The following TNFSF4 variants were observed in gnomAD, a reference collection of about 807,000 sequenced individuals.
TNFSF4 encodes tumor necrosis factor ligand superfamily member 4.
Under a neutral mutation model 7.3 loss-of-function variants are expected in TNFSF4, and 4 were observed. The observed-to-expected ratio is 0.55, with a 90% CI of 0.27 to 1.25. The LOEUF is 1.25. TNFSF4 is among the 50% of genes most tolerant of loss of function. The pLI, the probability that TNFSF4 is intolerant of heterozygous loss-of-function variation, is 0.12. For missense variants in TNFSF4, 181 were observed against 208.8 expected (o/e 0.87, Z 0.82); for synonymous variants, 76 against 83.7 (o/e 0.91, Z 0.50).
the TNFSF4 span, among the ~76,000 whole-genome samples, chr1:173,274,385 C>G: frequency 2.0e-5 from 3 of 152,044 alleles, no homozygotes; most frequent in South Asian, 6.2e-4. Flanking sequence ...TGTTGCTGTA[C>G]TTCTATAAAA....
chr1:173,265,794 T>C, the TNFSF4 span, among the ~76,000 whole-genome samples: 1 of 152,334 alleles, frequency 6.6e-6, no homozygotes, highest in South Asian at 2.1e-4. Context: ...GTTTGTTTTG[T>C]TTATTCCCAT....
chr1:173,262,401 T>C, the TNFSF4 span, among the ~76,000 whole-genome samples: 2 of 152,094 alleles, frequency 1.3e-5, no homozygotes, highest in African/African-American at 4.8e-5. Context: ...ACTGGAAGCA[T>C]TCCCCTTGAA....
the TNFSF4 span, among the ~76,000 whole-genome samples, chr1:173,236,300 A>T: frequency 1.3e-5 from 2 of 151,882 alleles, no homozygotes; most frequent in African/African-American, 4.8e-5. Flanking sequence ...CTTCCTTGCA[A>T]TGTCTTCAAA....
chr1:173,260,062 A>G, the TNFSF4 span, among the ~76,000 whole-genome samples: 1 of 152,198 alleles, frequency 6.6e-6, no homozygotes, highest in South Asian at 2.1e-4. Context: ...GGTCAAAATG[A>G]AGGAAAAAAT....
chr1:173,334,962 T>C, the TNFSF4 span, among the ~76,000 whole-genome samples: 1 of 152,080 alleles, frequency 6.6e-6, no homozygotes, highest in Admixed American at 6.6e-5. Flanking sequence ...AGTTTTCTCA[T>C]TTACACAAGC....
the TNFSF4 span, among the ~76,000 whole-genome samples, chr1:173,297,632 C>T: frequency 2.6e-5 from 4 of 151,976 alleles, no homozygotes; most frequent in African/African-American, 9.6e-5. Context: ...CCATATCTGG[C>T]CCATGAGAGG....
the TNFSF4 span, among the ~76,000 whole-genome samples, chr1:173,320,472 G>A: frequency 6.6e-6 from 1 of 152,122 alleles, no homozygotes; most frequent in South Asian, 2.1e-4. Context: ...TGGAAGTTCT[G>A]GCCAGGGCAA....
the TNFSF4 span, among the ~76,000 whole-genome samples, chr1:173,392,385 A>C: frequency 6.6e-6 from 1 of 152,344 alleles, no homozygotes; most frequent in East Asian, 1.9e-4. Context: ...AAAGGGAAAA[A>C]ATGATTGTAG....
chr1:173,245,520 T>A, the TNFSF4 span, among the ~76,000 whole-genome samples: 1 of 152,194 alleles, frequency 6.6e-6, no homozygotes, highest in Non-Finnish European at 1.5e-5. Flanking sequence ...TTTCCATACA[T>A]GTATACATTG....
At chr1:173,384,517 C>G in the TNFSF4 span, among the ~76,000 whole-genome samples, 4 of 152,180 alleles carry the variant, frequency 2.6e-5, no homozygotes, top group South Asian at 8.3e-4. Context: ...ATTCTAGGAA[C>G]CATCCTTGCC....
At chr1:173,306,839 G>A in the TNFSF4 span, among the ~76,000 whole-genome samples, 1 of 151,834 alleles carries the variant, frequency 6.6e-6, no homozygotes, top group African/African-American at 2.4e-5. Flanking sequence ...AAATCATGAT[G>A]GATTCGAACT....
At chr1:173,419,106 A>G in the TNFSF4 span, among the ~76,000 whole-genome samples, 5 of 152,126 alleles carry the variant, frequency 3.3e-5, no homozygotes, top group South Asian at 2.1e-4. Context: ...TTGGGAGGCC[A>G]AGGCGGGCAG....
chr1:173,207,442 T>C (rs1439554899), upstream of TNFSF4: 2 of 308,400 alleles, frequency 6.5e-6, no homozygotes, highest in Non-Finnish European at 1.2e-5. Flanking sequence ...CTTTTTTTTT[T>C]TCCTCTGGGC....
chr1:173,206,872 G>C (rs1650217783), intron 1 of TNFSF4, 152 bp downstream of exon 1: 1 of 822,944 alleles, frequency 1.2e-6, no homozygotes. Flanking sequence ...GAGACAGAAG[G>C]GCGTTTAACC....
the TNFSF4 span, among the ~76,000 whole-genome samples, chr1:173,404,588 TCTTTGCTCAAATG>T: frequency 6.6e-6 from 1 of 151,690 alleles, no homozygotes; most frequent in Non-Finnish European, 1.5e-5. Flanking sequence ...CTACTTCAAG[TCTTTGCTCAAATG>T]TCACCTCTAC....
At chr1:173,233,065 A>G in the TNFSF4 span, among the ~76,000 whole-genome samples, 7 of 152,216 alleles carry the variant, frequency 4.6e-5, no homozygotes, top group Admixed American at 6.5e-5. Flanking sequence ...CATTGCAAAG[A>G]AGCTAAAAAC....
the TNFSF4 span, among the ~76,000 whole-genome samples, chr1:173,431,432 C>CT: frequency 6.6e-6 from 1 of 152,242 alleles, no homozygotes; most frequent in Admixed American, 6.5e-5. Context: ...GAGCCATGCG[C>CT]TGATTGTTGG....
chr1:173,378,466 C>G, the TNFSF4 span, among the ~76,000 whole-genome samples: 2 of 152,152 alleles, frequency 1.3e-5, no homozygotes, highest in Non-Finnish European at 2.9e-5. Flanking sequence ...AACAGGCTCA[C>G]CCCTGAAATG....
At chr1:173,236,597 G>T in the TNFSF4 span, among the ~76,000 whole-genome samples, 1 of 152,114 alleles carries the variant, frequency 6.6e-6, no homozygotes, top group Non-Finnish European at 1.5e-5. Flanking sequence ...GTCTCCAACA[G>T]CAGATGAATG....
Sources: gnomAD v4.1 joint callset for allele counts (sites outside exome capture counted in the v4.1 genomes callset) on GRCh38, gnomAD v4.1.1 for gene constraint, MANE v1.5 for transcripts, NCBI Gene and HGNC (gene_info 2026-07-23, HGNC 2026-07-21) for gene names.